Variants in MEI1 observed in about 807,000 individuals in gnomAD.
MEI1 encodes meiotic double-stranded break formation protein 1.
MEI1 carries 103 observed loss-of-function variants against 146.2 expected under a neutral mutation model. The ratio of observed to expected loss-of-function variants is 0.70; its 90% CI spans 0.60 to 0.83. The LOEUF (loss-of-function observed/expected upper bound fraction) is 0.83, where lower values mean the gene tolerates loss of function less well. Ranked by LOEUF, MEI1 falls within the 40% of genes least tolerant of loss-of-function variation. MEI1 has a pLI of 0.00. For missense variants in MEI1, 1,529 were observed against 1,533.0 expected, an observed-to-expected ratio of 1.00 and a Z score of 0.04; for synonymous variants, 652 against 628.2, an observed-to-expected ratio of 1.04 and a Z score of -0.57.
At chr22:41,776,844 C>T (rs949637580) in intron 21 of MEI1, among the ~76,000 whole-genome samples, 1 of 151,980 alleles carries the variant, frequency 6.6e-6, no homozygotes, top group Non-Finnish European at 1.5e-5. Flanking sequence ...GAGACAGTCT[C>T]ACTCTGTCAC....
At position 41,778,772 on chromosome 22, in the gene MEI1, G is replaced by C. The variant is rs1487519201; in HGVS notation, c.2775G>C (p.Glu925Asp). 2.5e-6 allele frequency: 4 copies of C among 1,608,754 alleles called. No individual in the cohort carries two copies. The South Asian group carries it at 4.5e-5, about 18-fold the overall frequency. ...LSLMQLRNVS[E>D]QELDSVAMKL... Reference sequence around the variant, plus strand: ...TGATGCAGCTCAGGAATGTGTCAGAGCAAGAACTGGACAGCGTGGCCATGA... The same window carrying C: ...TGATGCAGCTCAGGAATGTGTCAGACCAAGAACTGGACAGCGTGGCCATGA... Residue 925 changes from glutamate (E) to aspartate (D), a missense_variant, in exon 22 of 31, where the codon GAG becomes GAC. Coordinates refer to ENST00000401548, the MANE Select transcript of MEI1 (RefSeq NM_152513.4).
chr22:41,720,840 C>G (rs1199189089), intron 6 of MEI1, among the ~76,000 whole-genome samples: 1 of 151,930 alleles, frequency 6.6e-6, no homozygotes, highest in Non-Finnish European at 1.5e-5. Flanking sequence ...GGCGTGATCT[C>G]TGCTCACTGC....
intron 19 of MEI1, chr22:41,767,689 C>G (rs1160403348): frequency 2.3e-6 from 1 of 440,258 alleles, no homozygotes; most frequent in Admixed American, 2.4e-5. Context: ...GGATTGACCA[C>G]TTGACATGAG....
chr22:41,781,047 A>G (rs953567626), intron 22 of MEI1, among the ~76,000 whole-genome samples: 6 of 152,208 alleles, frequency 3.9e-5, no homozygotes, highest in African/African-American at 9.6e-5. Flanking sequence ...TTGAAATCCT[A>G]AAGTCTTTCT....
chr22:41,770,390 G>A (rs1435506645), intron 19 of MEI1, among the ~76,000 whole-genome samples: 3 of 151,818 alleles, frequency 2.0e-5, no homozygotes, highest in African/African-American at 7.3e-5. Context: ...ATATTTAGCA[G>A]CATCCCCACT....
intron 9 of MEI1, among the ~76,000 whole-genome samples, chr22:41,731,459 C>T (rs761172431): frequency 3.7e-4 from 56 of 152,166 alleles, no homozygotes; most frequent in Middle Eastern, 3.4e-3. Flanking sequence ...GGTTCAAGCA[C>T]TTCTCTTGCC....
chr22:41,722,553 C>A (rs927567111), intron 6 of MEI1, among the ~76,000 whole-genome samples: 10 of 149,740 alleles, frequency 6.7e-5, no homozygotes, highest in African/African-American at 2.2e-4. Flanking sequence ...ACCTCTCAAG[C>A]CTCATCTCTC....
In MEI1 at chr22:41,743,150, C is replaced by G. The variant is rs1347073671; in HGVS notation, c.1402C>G (p.Arg468Gly). The change falls in exon 12 of 31, where the codon CGA (arginine) becomes GGA (glycine). Residue 468 changes from arginine to glycine, a missense_variant. Around this residue, in one of 3 missense-constraint regions of MEI1, gnomAD observed 1,212 missense variants for 1,178.9 expected, o/e 1.03. Coordinates refer to ENST00000401548, the MANE Select transcript of MEI1 (RefSeq NM_152513.4). ...GGCTTTGCTAGAAGCCATGCTAAAC[C>G]GATGTGCGGAGTTTTCCCAGACCTT... ...LQALLEAMLN[R>G]CAEFSQTLLS... The G allele has an allele frequency of 1.9e-6, 3 of 1,613,258 alleles. No homozygotes were observed. Among genetic ancestry groups the G allele is most frequent in the Admixed American group, 1.7e-5 (1 of 60,010 alleles).
At chr22:41,773,975 G>C (rs1449963212) in intron 20 of MEI1, among the ~76,000 whole-genome samples, 3 of 152,174 alleles carry the variant, frequency 2.0e-5, no homozygotes, top group African/African-American at 7.2e-5. Context: ...CCAGAGGAAG[G>C]AAAAAGAGTC....
chr22:41,787,283 A>G (rs1336713131), intron 26 of MEI1, among the ~76,000 whole-genome samples: 1 of 152,170 alleles, frequency 6.6e-6, no homozygotes, highest in African/African-American at 2.4e-5. Flanking sequence ...CTGGAACAGA[A>G]TGGGCTTTTT....
chr22:41,707,171 T>A (rs571407075), intron 3 of MEI1, among the ~76,000 whole-genome samples: 22 of 152,088 alleles, frequency 1.4e-4, no homozygotes, highest in Non-Finnish European at 2.9e-4. Context: ...CCACTGCACT[T>A]CAACTTGGGT....
intron 3 of MEI1, among the ~76,000 whole-genome samples, chr22:41,712,075 G>T (rs2069617067): frequency 6.6e-6 from 1 of 150,450 alleles, no homozygotes; most frequent in Non-Finnish European, 1.5e-5. Context: ...TGGGGGGCGG[G>T]TGCCTGTAAT....
chr22:41,778,852 C>T, intron 22 of MEI1, 40 bp downstream of exon 22: 1 of 1,462,120 alleles, frequency 6.8e-7, no homozygotes, highest in Non-Finnish European at 9.4e-7. Flanking sequence ...GGGCCCAGGG[C>T]TGGACGTGCA....
Position 41,784,414 on chromosome 22 carries a change from C to T in MEI1, c.3163C>T (p.Leu1055Phe), listed in dbSNP as rs778284334. ...CTTTCCAAAGAAAAAGGCTGCACTA[C>T]TCTCAGGTATGGGTCCACAAGTCTC... Reference protein sequence around the residue: ...LSFPKKKAALLSAAILCFLRT... With the variant: ...LSFPKKKAALFSAAILCFLRT... The change falls in exon 25 of 31, where the codon CTC (leucine) becomes TTC (phenylalanine). Residue 1055 changes from leucine to phenylalanine, a missense_variant. Around this residue, in one of 3 missense-constraint regions of MEI1, gnomAD observed 313 missense variants for 337.3 expected, o/e 0.93. Coordinates refer to ENST00000401548, the MANE Select transcript of MEI1 (RefSeq NM_152513.4). 1 of 1,613,896 alleles carries T rather than the reference C, an allele frequency of 6.2e-7. No homozygotes were observed. Among genetic ancestry groups the T allele is most frequent in the African/African-American group, 1.3e-5 (1 of 75,042 alleles).
At chr22:41,788,372 AGT>A (rs1427261047) in intron 26 of MEI1, among the ~76,000 whole-genome samples, 1 of 151,756 alleles carries the variant, frequency 6.6e-6, no homozygotes, top group Non-Finnish European at 1.5e-5. Flanking sequence ...CTGGGCCTTG[AGT>A]GATGAAAAAG....
intron 6 of MEI1, among the ~76,000 whole-genome samples, chr22:41,719,936 G>T (rs985397591): frequency 6.6e-6 from 1 of 152,096 alleles, no homozygotes; most frequent in African/African-American, 2.4e-5. Context: ...TCAAAATTTG[G>T]ATCAGGAGCT....
At chr22:41,732,169 G>A (rs1198203963) in intron 9 of MEI1, 76 bp from the exon 10 acceptor site, 3 of 1,184,354 alleles carry the variant, frequency 2.5e-6, no homozygotes, top group Non-Finnish European at 3.7e-6. Context: ...TCCAGAGCCT[G>A]TCACCTCTTC....
At chr22:41,785,914 T>A (rs1569325353) in intron 26 of MEI1, among the ~76,000 whole-genome samples, 4 of 129,970 alleles carry the variant, frequency 3.1e-5, no homozygotes, top group Admixed American at 8.6e-5. Context: ...TTTTTTATTT[T>A]ATTTTTTTTT....
In MEI1 at chr22:41,728,007, G is replaced by T. The variant is rs569804039; in HGVS notation, c.865-1658G>T. ...ACAGTTGTCCCTTGTATACACGGGA[G>T]ATTGGTTCCAGGACCGCCGGCATAT... is the stretch of plus-strand genomic sequence containing the variant. On this transcript the variant is annotated intron_variant, in intron 7 of 30. Coordinates refer to ENST00000401548, the MANE Select transcript of MEI1 (RefSeq NM_152513.4). Among the ~76,000 whole-genome samples the T allele has an allele frequency of 4.1e-4, 63 of 152,302 alleles. 2 individuals are homozygous for T. In the South Asian group the frequency reaches 0.012, roughly 30 times the overall value.
Sources: allele counts gnomAD v4.1 joint callset (sites outside exome capture counted in the v4.1 genomes callset), GRCh38; gene constraint gnomAD v4.1.1; regional missense constraint gnomAD v4.1.1; transcripts MANE v1.5; gene names NCBI Gene and HGNC (gene_info 2026-07-23, HGNC 2026-07-21).